ROR1: variants seen among roughly 807,000 people sequenced by gnomAD.
The protein encoded by ROR1 is inactive tyrosine-protein kinase transmembrane receptor ROR1.
Under a neutral mutation model 78.8 loss-of-function variants are expected in ROR1, and 19 were observed. The observed-to-expected ratio is 0.24, with a 90% CI of 0.17 to 0.35. The LOEUF is 0.35. Among genes scored for constraint, ROR1 ranks in the 10% least tolerant of loss-of-function variants. ROR1 has a pLI of 1.00. For synonymous variants in ROR1, 386 were observed against 433.6 expected (o/e 0.89, Z 1.36); for missense variants, 917 against 1,177.8 (o/e 0.78, Z 3.24).
At chr1:64,143,289 G>A (rs1178053596) in intron 7 of ROR1, 3 of 967,978 alleles carry the variant, frequency 3.1e-6, no homozygotes, top group Non-Finnish European at 3.7e-6. Flanking sequence ...GGAAGGCCGA[G>A]GCAGGAGGAT....
At chr1:63,874,780 G>T (rs146901755) in intron 1 of ROR1, among the ~76,000 whole-genome samples, 2 of 151,982 alleles carry the variant, frequency 1.3e-5, no homozygotes, top group East Asian at 3.9e-4. Context: ...CCTTGTCCAG[G>T]TCAAACAGCC....
At chr1:63,886,440 A>G (rs1279841878) in intron 1 of ROR1, among the ~76,000 whole-genome samples, 1 of 152,044 alleles carries the variant, frequency 6.6e-6, no homozygotes, top group Non-Finnish European at 1.5e-5. Flanking sequence ...GGTATTATGG[A>G]TATTATACAC....
At chr1:64,044,876 C>A (rs1646771851) in intron 2 of ROR1, among the ~76,000 whole-genome samples, 1 of 152,164 alleles carries the variant, frequency 6.6e-6, no homozygotes, top group African/African-American at 2.4e-5. Flanking sequence ...TCTTCCCAAT[C>A]ATAACTGATG....
chr1:63,857,516 C>A (rs1645156380), intron 1 of ROR1, among the ~76,000 whole-genome samples: 1 of 152,108 alleles, frequency 6.6e-6, no homozygotes, highest in Non-Finnish European at 1.5e-5. Flanking sequence ...TACTTAGATG[C>A]CTTTTATCCA....
chr1:63,794,993 G>A (rs1569722327), intron 1 of ROR1, among the ~76,000 whole-genome samples: 1 of 152,090 alleles, frequency 6.6e-6, no homozygotes, highest in Non-Finnish European at 1.5e-5. Context: ...GATCTGCACA[G>A]TGACTTGTGG....
At chr1:63,856,418 A>G (rs975931706) in intron 1 of ROR1, among the ~76,000 whole-genome samples, 2 of 151,948 alleles carry the variant, frequency 1.3e-5, no homozygotes, top group Non-Finnish European at 2.9e-5. Flanking sequence ...ATCTTTTTGG[A>G]TATTTCTTTC....
intron 1 of ROR1, among the ~76,000 whole-genome samples, chr1:63,788,315 T>C (rs1342145365): frequency 2.0e-5 from 3 of 152,240 alleles, no homozygotes; most frequent in African/African-American, 7.2e-5. Flanking sequence ...CCCATTATCC[T>C]ACCATTCAGA....
intron 1 of ROR1, among the ~76,000 whole-genome samples, chr1:63,840,929 T>C (rs986288669): frequency 1.3e-5 from 2 of 152,370 alleles, no homozygotes; most frequent in Admixed American, 6.5e-5. Flanking sequence ...CTACTACTGT[T>C]TTCAACAGGT....
intron 2 of ROR1, 68 bp from the exon 3 acceptor site, chr1:64,049,623 G>C: frequency 1.4e-6 from 2 of 1,412,114 alleles, no homozygotes; most frequent in South Asian, 2.5e-5. Context: ...CACTGGAGGG[G>C]ATTTGGCTGC....
intron 1 of ROR1, chr1:63,843,171 G>C: frequency 1.8e-6 from 2 of 1,117,120 alleles, no homozygotes; most frequent in Non-Finnish European, 2.7e-6. Flanking sequence ...AGATGCTCCA[G>C]GCAGGTGGCC....
intron 4 of ROR1, among the ~76,000 whole-genome samples, chr1:64,078,788 G>A (rs1018763274): frequency 2.0e-5 from 3 of 152,156 alleles, no homozygotes; most frequent in Non-Finnish European, 4.4e-5. Flanking sequence ...CCTGCATGAC[G>A]CCTGATGTCT....
intron 1 of ROR1, chr1:63,789,119 T>G (rs1239236008): frequency 1.6e-6 from 1 of 611,594 alleles, no homozygotes; most frequent in Non-Finnish European, 3.2e-6. Context: ...TTTCCTGGCA[T>G]CGAGCCTGGG....
At chr1:63,921,363 C>G (rs1404071873) in intron 1 of ROR1, among the ~76,000 whole-genome samples, 1 of 152,110 alleles carries the variant, frequency 6.6e-6, no homozygotes, top group Non-Finnish European at 1.5e-5. Context: ...CGACGCTGCA[C>G]ATCCAGGTGA....
At chr1:64,020,935 A>G (rs1646559863) in intron 2 of ROR1, among the ~76,000 whole-genome samples, 1 of 152,032 alleles carries the variant, frequency 6.6e-6, no homozygotes, top group African/African-American at 2.4e-5. Context: ...TCATCTCTTT[A>G]GTTCCAAGCT....
chr1:63,967,148 G>A (rs1646081790), intron 1 of ROR1, among the ~76,000 whole-genome samples: 1 of 152,082 alleles, frequency 6.6e-6, no homozygotes, highest in African/African-American at 2.4e-5. Context: ...CACATAATAA[G>A]CACTCAATAA....
At chr1:63,854,091 A>G (rs2100334865) in intron 1 of ROR1, among the ~76,000 whole-genome samples, 1 of 152,314 alleles carries the variant, frequency 6.6e-6, no homozygotes, top group South Asian at 2.1e-4. Flanking sequence ...TGTATATTGC[A>G]TAGTGCATGA....
At chr1:64,112,962 C>T (rs1648169779) in intron 4 of ROR1, among the ~76,000 whole-genome samples, 1 of 152,138 alleles carries the variant, frequency 6.6e-6, no homozygotes, top group Non-Finnish European at 1.5e-5. Context: ...GCACAGTAGC[C>T]AGTACATAAT....
intron 1 of ROR1, among the ~76,000 whole-genome samples, chr1:63,863,352 G>A (rs973964328): frequency 3.3e-5 from 5 of 152,188 alleles, no homozygotes; most frequent in African/African-American, 1.2e-4. Flanking sequence ...GTGAAAGGAG[G>A]TAAATGAGTA....
At chr1:64,139,971 A>G (rs1486666967) in intron 5 of ROR1, 138 bp from the exon 6 acceptor site, 61 of 698,298 alleles carry the variant, frequency 8.7e-5, no homozygotes, top group Non-Finnish European at 1.3e-4. Context: ...TCTGAAATGA[A>G]TCTCCTTCTC....
Sources: gnomAD v4.1 joint callset for allele counts (sites outside exome capture counted in the v4.1 genomes callset) on GRCh38, gnomAD v4.1.1 for gene constraint, MANE v1.5 for transcripts, NCBI Gene and HGNC (gene_info 2026-07-23, HGNC 2026-07-21) for gene names.